Variants in RAB11FIP4 observed in about 807,000 individuals in gnomAD.
RAB11FIP4 encodes rab11 family-interacting protein 4.
RAB11FIP4 carries 23 observed loss-of-function variants against 74.3 expected under a neutral mutation model. The ratio of observed to expected loss-of-function variants is 0.31; its 90% CI spans 0.22 to 0.44. RAB11FIP4 has a LOEUF of 0.44. Among genes scored for constraint, RAB11FIP4 ranks in the 20% least tolerant of loss-of-function variants. The pLI is 1.00. For missense variants in RAB11FIP4, 630 were observed against 863.9 expected, an observed-to-expected ratio of 0.73 and a Z score of 3.39; for synonymous variants, 360 against 359.9, an observed-to-expected ratio of 1.00 and a Z score of 0.00.
rs1045498612 is a variant in RAB11FIP4, at chr17:31,513,534, C to T, written c.337-4117C>T. 2.0e-5 allele frequency among the ~76,000 whole-genome samples: 3 copies of T among 152,150 alleles called. No individual in the cohort carries two copies. In the East Asian group the frequency reaches 5.8e-4, roughly 29 times the overall value. ...AGAGCTGGGGCTGGGGACTTTGGCC[C>T]TCAGGGAGGAGCAAGGGTGACCATG... On this transcript the variant is annotated intron_variant, in intron 3 of 14. Transcript: ENST00000621161.
rs116130732 is a variant in RAB11FIP4 at position 31,523,590 on chromosome 17, C to T, written c.1008C>T (p.Cys336=). ...TGTTCCGGGACAGCATTGACTCTTG[C>T]GACAATGACATCACAGAGAAGGTGG... ...EDLFRDSIDS[C]DNDITEKVSF... Residue 336 remains cysteine, a synonymous_variant, in exon 8 of 15, where the codon TGC becomes TGT. Transcript: ENST00000621161. 1.0e-3 allele frequency: 1,662 copies of T among 1,613,960 alleles called. 6 individuals carry two copies. In the African/African-American group the frequency reaches 0.013, roughly 13 times the overall value.
intron 3 of RAB11FIP4, among the ~76,000 whole-genome samples, chr17:31,471,901 G>T (rs564183123): frequency 1.4e-4 from 22 of 152,198 alleles, no homozygotes; most frequent in African/African-American, 5.3e-4. Flanking sequence ...AGTGGCTCAC[G>T]CCTGTAATCC....
rs530825277 is a variant in RAB11FIP4, at chr17:31,423,376, G to A, written c.160-8437G>A. ...CAGTTTTTTCTTTGTTTGTTTATTCGTTTGTTTTTGAGACAGGGTCTTGCT... is the reference window on the plus strand; with the variant it reads ...CAGTTTTTTCTTTGTTTGTTTATTCATTTGTTTTTGAGACAGGGTCTTGCT... On this transcript the variant is annotated intron_variant, in intron 1 of 14. Transcript: ENST00000621161. 9.2e-5 allele frequency among the ~76,000 whole-genome samples: 14 copies of A among 151,416 alleles called. No homozygotes were observed. The East Asian group carries it at 9.9e-4, about 11-fold the overall frequency.
intron 2 of RAB11FIP4, among the ~76,000 whole-genome samples, chr17:31,432,257 C>T (rs1472698287): frequency 6.6e-6 from 1 of 152,048 alleles, no homozygotes; most frequent in Non-Finnish European, 1.5e-5. Context: ...ACTTTTAAGA[C>T]CAGGGCAGTC....
chr17:31,432,889 G>A (rs2071324075), intron 2 of RAB11FIP4, among the ~76,000 whole-genome samples: 1 of 152,160 alleles, frequency 6.6e-6, no homozygotes, highest in African/African-American at 2.4e-5. Context: ...TTTTTGGGAG[G>A]CCGAGGCAGG....
At chr17:31,486,837 C>T (rs1229947234) in intron 3 of RAB11FIP4, among the ~76,000 whole-genome samples, 5 of 152,188 alleles carry the variant, frequency 3.3e-5, no homozygotes, top group Non-Finnish European at 7.4e-5. Flanking sequence ...CTGGGAGCTC[C>T]AGCGGCTGCT....
At chr17:31,458,701 C>T (rs967071227) in intron 3 of RAB11FIP4, among the ~76,000 whole-genome samples, 1 of 152,228 alleles carries the variant, frequency 6.6e-6, no homozygotes, top group Non-Finnish European at 1.5e-5. Flanking sequence ...GAGGTGGAGG[C>T]AGTTTGCCAA....
At chr17:31,509,851 A>C (rs1334661062) in intron 3 of RAB11FIP4, among the ~76,000 whole-genome samples, 1 of 152,002 alleles carries the variant, frequency 6.6e-6, no homozygotes, top group Non-Finnish European at 1.5e-5. Context: ...TGTTGTTCAG[A>C]AGGCAAGGCC....
At chr17:31,523,653 G>A (rs1242976588) in intron 8 of RAB11FIP4, 42 bp downstream of exon 8, 1 of 1,535,568 alleles carries the variant, frequency 6.5e-7, no homozygotes. Context: ...ATGCATGCCT[G>A]CTCCCAGGGG....
intron 3 of RAB11FIP4, 91 bp downstream of exon 3, chr17:31,434,213 C>G (rs921762506): frequency 1.1e-5 from 11 of 1,037,270 alleles, no homozygotes; most frequent in Non-Finnish European, 1.2e-5. Context: ...TGGGAGGACC[C>G]AGAACCTCCC....
At chr17:31,415,803 AGCC>A (rs1433715956) in intron 1 of RAB11FIP4, among the ~76,000 whole-genome samples, 1 of 151,962 alleles carries the variant, frequency 6.6e-6, no homozygotes, top group Non-Finnish European at 1.5e-5. Context: ...TTCTCACCTC[AGCC>A]CCCCTGCGGA....
chr17:31,402,343 A>G (rs2070995110), intron 1 of RAB11FIP4, among the ~76,000 whole-genome samples: 1 of 152,132 alleles, frequency 6.6e-6, no homozygotes, highest in African/African-American at 2.4e-5. Context: ...TGGTGAAAGG[A>G]CAGGGAGGGC....
chr17:31,455,092 A>G (rs911486571), intron 3 of RAB11FIP4, among the ~76,000 whole-genome samples: 2 of 152,206 alleles, frequency 1.3e-5, no homozygotes, highest in African/African-American at 4.8e-5. Flanking sequence ...TTGAGCAAAG[A>G]CAGATTAATA....
At position 31,484,288 on chromosome 17, in the gene RAB11FIP4, C is replaced by G. The variant is rs145306210; in HGVS notation, c.337-33363C>G. 1.7e-3 allele frequency among the ~76,000 whole-genome samples: 262 copies of G among 151,936 alleles called. 1 individual carries two copies. The highest frequency in any genetic ancestry group is 6.0e-3 in the African/African-American group (250 of 41,410). On this transcript the variant is annotated intron_variant, in intron 3 of 14. Coordinates refer to ENST00000621161, the MANE Select transcript of RAB11FIP4 (RefSeq NM_032932.6). ...GTTTCGTCACGTTGGCCAGGCTGGT[C>G]TCGAATTCCTGACCTCAGGTGATCT... is the stretch of plus-strand genomic sequence containing the variant.
chr17:31,398,848 G>T (rs898110303), intron 1 of RAB11FIP4, among the ~76,000 whole-genome samples: 2 of 152,114 alleles, frequency 1.3e-5, no homozygotes, highest in African/African-American at 4.8e-5. Flanking sequence ...GCGGGGAGTA[G>T]GGAGCCCAGG....
chr17:31,488,281 C>CG, intron 3 of RAB11FIP4: 1 of 1,176,036 alleles, frequency 8.5e-7, no homozygotes, highest in Non-Finnish European at 1.1e-6. Context: ...AGGTAAGCGG[C>CG]GGCCCCGGGG....
chr17:31,496,276 A>G (rs1044530174), intron 3 of RAB11FIP4, among the ~76,000 whole-genome samples: 1 of 152,322 alleles, frequency 6.6e-6, no homozygotes, highest in South Asian at 2.1e-4. Flanking sequence ...TTGGCAAAGT[A>G]GAGCGACCTC....
intron 3 of RAB11FIP4, among the ~76,000 whole-genome samples, chr17:31,445,134 G>A (rs1340847810): frequency 1.3e-5 from 2 of 152,196 alleles, no homozygotes; most frequent in African/African-American, 2.4e-5. Flanking sequence ...TCCTGCTGCA[G>A]ATGGTGCAAG....
At chr17:31,415,975 A>C (rs2071143812) in intron 1 of RAB11FIP4, among the ~76,000 whole-genome samples, 1 of 152,052 alleles carries the variant, frequency 6.6e-6, no homozygotes, top group Admixed American at 6.5e-5. Flanking sequence ...TCTGATCGTC[A>C]CAGCGGTCCT....
Sources: gnomAD v4.1 joint callset for allele counts (sites outside exome capture counted in the v4.1 genomes callset) on GRCh38, gnomAD v4.1.1 for gene constraint, MANE v1.5 for transcripts, NCBI Gene and HGNC (gene_info 2026-07-23, HGNC 2026-07-21) for gene names.